ELMO1: variants seen among roughly 807,000 people sequenced by gnomAD.
ELMO1 encodes engulfment and cell motility 1.
ELMO1 carries 26 observed loss-of-function variants against 98.9 expected under a neutral mutation model. The ratio of observed to expected loss-of-function variants is 0.26; its 90% CI spans 0.19 to 0.36. ELMO1 has a LOEUF of 0.36. Ranked by LOEUF, ELMO1 falls within the 10% of genes least tolerant of loss-of-function variation. The probability of loss-of-function intolerance (pLI) is 1.00; values close to 1 mark genes in which losing one functional copy is unlikely to be tolerated. For missense variants in ELMO1, 627 were observed against 935.2 expected, an observed-to-expected ratio of 0.67 and a Z score of 4.30; for synonymous variants, 346 against 346.0, an observed-to-expected ratio of 1.00 and a Z score of 0.00.
chr7:37,261,206 T>A (rs555866856), intron 5 of ELMO1, among the ~76,000 whole-genome samples: 29 of 152,326 alleles, frequency 1.9e-4, no homozygotes, highest in African/African-American at 7.0e-4. Context: ...TCCACAATAG[T>A]CCCAACAGGT....
chr7:37,281,255 T>TA lies in ELMO1; in HGVS notation c.193-9374dup, dbSNP rs142763723. Among the ~76,000 whole-genome samples, 230 of 151,524 alleles carry TA rather than the reference T, an allele frequency of 1.5e-3. 2 individuals carry two copies. In the East Asian group the frequency reaches 0.037, roughly 24 times the overall value. ...GGAAGAGCGGGAGGGGGGTGAGGGA[T>TA]AAAAAAACTACAAATATGGTGCAGT... On this transcript the variant is annotated intron_variant, in intron 4 of 21. Transcript: ENST00000310758.
At chr7:37,410,392 A>G (rs1803948058) in intron 1 of ELMO1, among the ~76,000 whole-genome samples, 1 of 152,240 alleles carries the variant, frequency 6.6e-6, no homozygotes, top group Non-Finnish European at 1.5e-5. Context: ...GCAAGGGTTC[A>G]GTAAATGCTT....
chr7:37,323,603 T>C (rs1262946782), intron 2 of ELMO1, among the ~76,000 whole-genome samples: 3 of 152,088 alleles, frequency 2.0e-5, no homozygotes, highest in Non-Finnish European at 2.9e-5. Context: ...GGCAGGAGAA[T>C]TGCTTGGAGC....
chr7:36,880,854 C>T (rs1156920015), intron 18 of ELMO1, among the ~76,000 whole-genome samples: 2 of 152,224 alleles, frequency 1.3e-5, no homozygotes, highest in Non-Finnish European at 2.9e-5. Context: ...AAACAGCCAT[C>T]TTCCTTGCAA....
chr7:37,428,912 G>A (rs1804816969), intron 1 of ELMO1, among the ~76,000 whole-genome samples: 1 of 152,210 alleles, frequency 6.6e-6, no homozygotes, highest in Non-Finnish European at 1.5e-5. Context: ...AGTGTGGGAT[G>A]GTGCCACCCA....
chr7:37,113,140 C>G (rs1785353169), intron 14 of ELMO1, among the ~76,000 whole-genome samples: 3 of 152,216 alleles, frequency 2.0e-5, no homozygotes, highest in African/African-American at 7.2e-5. Context: ...AGAGCGTGTT[C>G]CAGATAGAGA....
At chr7:37,292,729 AGGG>A (rs1353887225) in intron 4 of ELMO1, among the ~76,000 whole-genome samples, 5 of 81,558 alleles carry the variant, frequency 6.1e-5, no homozygotes, top group Non-Finnish European at 8.0e-5. Context: ...CCCGTCCGGG[AGGG>A]AGGTGGGGGG....
chr7:37,374,485 C>T (rs996941072), intron 1 of ELMO1, among the ~76,000 whole-genome samples: 1 of 152,234 alleles, frequency 6.6e-6, no homozygotes, highest in Non-Finnish European at 1.5e-5. Context: ...GGAGTGGCGG[C>T]TCATGCCTGT....
At chr7:37,084,084 T>G (rs1783625472) in intron 15 of ELMO1, among the ~76,000 whole-genome samples, 1 of 152,156 alleles carries the variant, frequency 6.6e-6, no homozygotes, top group Non-Finnish European at 1.5e-5. Flanking sequence ...ATAGATCATT[T>G]TTTTCCTCTT....
intron 4 of ELMO1, among the ~76,000 whole-genome samples, chr7:37,302,006 T>C (rs564699875): frequency 3.5e-4 from 54 of 152,334 alleles, no homozygotes; most frequent in African/African-American, 1.3e-3. Flanking sequence ...AACCTTCGGA[T>C]AACTTCTGGA....
intron 1 of ELMO1, among the ~76,000 whole-genome samples, chr7:37,347,278 TG>T (rs1220759591): frequency 6.6e-6 from 1 of 152,202 alleles, no homozygotes; most frequent in Non-Finnish European, 1.5e-5. Context: ...GGTTCTAGCC[TG>T]GGCTTTCTCA....
chr7:37,385,253 G>C (rs908018693), intron 1 of ELMO1, among the ~76,000 whole-genome samples: 2 of 152,190 alleles, frequency 1.3e-5, no homozygotes, highest in African/African-American at 2.4e-5. Flanking sequence ...ACCCTATCAC[G>C]TTTAGAAAAG....
At chr7:37,063,171 G>C (rs921893250) in intron 15 of ELMO1, among the ~76,000 whole-genome samples, 1 of 152,204 alleles carries the variant, frequency 6.6e-6, no homozygotes, top group Non-Finnish European at 1.5e-5. Flanking sequence ...AAACTTATGT[G>C]AAAGTCCAAG....
chr7:37,393,050 A>C (rs752983422), intron 1 of ELMO1, among the ~76,000 whole-genome samples: 10 of 152,306 alleles, frequency 6.6e-5, no homozygotes, highest in Non-Finnish European at 1.2e-4. Context: ...ACTTCTGCAC[A>C]CATTTCCATC....
intron 14 of ELMO1, among the ~76,000 whole-genome samples, chr7:37,121,185 C>G (rs1469995512): frequency 6.6e-6 from 1 of 152,194 alleles, no homozygotes; most frequent in Non-Finnish European, 1.5e-5. Context: ...AAAAACAGAG[C>G]AGAAAAACTG....
chr7:37,294,574 CTT>C (rs916203892), intron 4 of ELMO1, among the ~76,000 whole-genome samples: 1 of 152,180 alleles, frequency 6.6e-6, no homozygotes, highest in African/African-American at 2.4e-5. Context: ...TCTAGAGAAA[CTT>C]TTAAACAGCC....
At chr7:37,178,542 C>A (rs1201832824) in intron 13 of ELMO1, among the ~76,000 whole-genome samples, 1 of 151,842 alleles carries the variant, frequency 6.6e-6, no homozygotes, top group East Asian at 1.9e-4. Context: ...GCAGAGGTTG[C>A]AGTAAGCTGA....
At chr7:37,150,173 G>C (rs549229028) in intron 13 of ELMO1, among the ~76,000 whole-genome samples, 2 of 152,174 alleles carry the variant, frequency 1.3e-5, no homozygotes, top group Admixed American at 1.3e-4. Flanking sequence ...CTAGGGATCT[G>C]AGCCATGGCT....
At chr7:36,953,286 G>A (rs1788147146) in intron 16 of ELMO1, among the ~76,000 whole-genome samples, 2 of 151,964 alleles carry the variant, frequency 1.3e-5, no homozygotes, top group South Asian at 4.2e-4. Flanking sequence ...ACTCTTGAAC[G>A]TACTACTCTC....
Sources: gnomAD v4.1 joint callset for allele counts (sites outside exome capture counted in the v4.1 genomes callset) on GRCh38, gnomAD v4.1.1 for gene constraint, MANE v1.5 for transcripts, NCBI Gene and HGNC (gene_info 2026-07-23, HGNC 2026-07-21) for gene names.